The following FRYL variants were observed in gnomAD, a reference collection of about 807,000 sequenced individuals.
FRYL encodes protein furry homolog-like.
Under a neutral mutation model 351.2 loss-of-function variants are expected in FRYL, and 150 were observed. The ratio of observed to expected loss-of-function variants is 0.43; its 90% CI spans 0.37 to 0.49. The LOEUF (loss-of-function observed/expected upper bound fraction) is 0.49, where lower values mean the gene tolerates loss of function less well. Among genes scored for constraint, FRYL ranks in the 20% least tolerant of loss-of-function variants. The pLI, the probability that FRYL is intolerant of heterozygous loss-of-function variation, is 0.00. For missense variants in FRYL, 3,036 were observed against 3,619.3 expected, an observed-to-expected ratio of 0.84 and a Z score of 4.13; for synonymous variants, 1,153 against 1,257.1, an observed-to-expected ratio of 0.92 and a Z score of 1.75.
chr4:48,600,337 G>C (rs1745456778), intron 13 of FRYL, among the ~76,000 whole-genome samples: 1 of 152,040 alleles, frequency 6.6e-6, no homozygotes, highest in Admixed American at 6.6e-5. Flanking sequence ...TAATAAATAG[G>C]AGCCAATTCA....
intron 4 of FRYL, among the ~76,000 whole-genome samples, chr4:48,625,309 G>T (rs1751557044): frequency 6.6e-6 from 1 of 152,094 alleles, no homozygotes; most frequent in African/African-American, 2.4e-5. Flanking sequence ...TTGCAAAGAG[G>T]TGTATAGAAG....
chr4:48,620,647 C>T lies in FRYL; in HGVS notation c.306G>A (p.Lys102=). 6.2e-7 allele frequency: 1 copy of T among 1,612,732 alleles called. No individual in the cohort carries two copies. Among genetic ancestry groups the T allele is most frequent in the Non-Finnish European group, 8.5e-7 (1 of 1,179,006 alleles). ...SYEYRPRSST[K]SKGDEQQRER... is the part of the protein sequence containing the mutation. ...TAAAATAAAGCACTTACCCCTTAGA[C>T]TTTGTGCTAGACCGAGGCCTATATT... The change falls in exon 6 of 64, where the codon AAG becomes AAA. Residue 102 remains lysine, a synonymous_variant. Coordinates refer to ENST00000358350, the MANE Select transcript of FRYL (RefSeq NM_015030.2).
At position 48,634,311 on chromosome 4, in the gene FRYL, C is replaced by G. The variant is rs745883787; in HGVS notation, c.100G>C (p.Val34Leu). 6.2e-7 allele frequency: 1 copy of G among 1,613,452 alleles called. No homozygotes were observed. Among genetic ancestry groups the G allele is most frequent in the Admixed American group, 1.7e-5 (1 of 59,970 alleles). The part of the protein sequence containing the change: ...FAVQAEKKIE[V>L]VMAEPLEKLL... The stretch of plus-strand genomic sequence containing the variant: ...CTCACCAAGGGTTCGGCCATTACAA[C>G]TTCAATTTTCTTTTCAGCTTGAACA... Residue 34 changes from valine to leucine, a missense_variant, in exon 4 of 64, where the codon GTT (valine) becomes CTT (leucine). Coordinates refer to ENST00000358350, the MANE Select transcript of FRYL (RefSeq NM_015030.2).
chr4:48,534,225 C>CAAAACA (rs1187853773), intron 49 of FRYL, among the ~76,000 whole-genome samples: 4 of 152,118 alleles, frequency 2.6e-5, no homozygotes, highest in African/African-American at 4.8e-5. Context: ...GACTCCTTCT[C>CAAAACA]AAAACAAAAA....
chr4:48,644,984 A>G lies in FRYL; in HGVS notation c.-80-10494T>C, dbSNP rs560626145. ...CTTACAAAATAATAAGAAAAAGACAACACAATAAAGAAAAGGTGCCAAAAG... is the reference window on the plus strand; with the variant it reads ...CTTACAAAATAATAAGAAAAAGACAGCACAATAAAGAAAAGGTGCCAAAAG... On this transcript the variant is annotated intron_variant, in intron 3 of 63. Coordinates refer to ENST00000358350, the MANE Select transcript of FRYL (RefSeq NM_015030.2). Among the ~76,000 whole-genome samples the G allele has an allele frequency of 2.6e-5, 4 of 151,458 alleles. No individual in the cohort carries two copies. The East Asian group carries it at 5.8e-4, about 22-fold the overall frequency.
intron 11 of FRYL, among the ~76,000 whole-genome samples, chr4:48,603,882 A>G (rs1746178975): frequency 6.6e-6 from 1 of 152,180 alleles, no homozygotes; most frequent in African/African-American, 2.4e-5. Context: ...CTGCTGCCCA[A>G]GAAGCTCTTC....
chr4:48,587,113 G>A lies in FRYL; in HGVS notation c.1641-385C>T, dbSNP rs1293872452. On this transcript the variant is annotated intron_variant, in intron 18 of 63. Transcript: ENST00000358350. ...TGATATCATTAAATAACTAAATACT[G>A]GTTATTTTGAGGGGCCTATAAAATT... Among the ~76,000 whole-genome samples, 4 of 151,776 alleles carry A rather than the reference G, an allele frequency of 2.6e-5. No homozygotes were observed. The East Asian group carries it at 7.7e-4, about 29-fold the overall frequency.
At chr4:48,552,329 T>C (rs1733046029) in intron 36 of FRYL, among the ~76,000 whole-genome samples, 1 of 151,912 alleles carries the variant, frequency 6.6e-6, no homozygotes, top group African/African-American at 2.4e-5. Context: ...GAGTTTTCTC[T>C]AGGGAATCTG....
intron 36 of FRYL, 118 bp from the exon 37 acceptor site, chr4:48,551,696 A>T (rs142394887): frequency 6.2e-6 from 4 of 641,302 alleles, no homozygotes; most frequent in African/African-American, 5.5e-5. Context: ...AAAGTCATTT[A>T]AAAAAAGGAA....
intron 3 of FRYL, among the ~76,000 whole-genome samples, chr4:48,651,868 T>C (rs1447542257): frequency 3.3e-5 from 5 of 152,226 alleles, no homozygotes; most frequent in African/African-American, 7.2e-5. Context: ...GTTCTTCCAC[T>C]TTCCAGGGCT....
At chr4:48,614,017 T>C (rs1031365673) in intron 7 of FRYL, among the ~76,000 whole-genome samples, 2 of 150,168 alleles carry the variant, frequency 1.3e-5, no homozygotes, top group Admixed American at 6.6e-5. Flanking sequence ...TTTGGTCTTA[T>C]CATATTACTG....
At chr4:48,677,844 A>T (rs1763972535) in intron 3 of FRYL, among the ~76,000 whole-genome samples, 1 of 152,226 alleles carries the variant, frequency 6.6e-6, no homozygotes, top group South Asian at 2.1e-4. Context: ...TTTTTACATG[A>T]AGTCTCTCCA....
chr4:48,610,564 T>A (rs1414398135), intron 7 of FRYL, among the ~76,000 whole-genome samples: 1 of 150,076 alleles, frequency 6.7e-6, no homozygotes, highest in Non-Finnish European at 1.5e-5. Flanking sequence ...AATATGTATA[T>A]ATCACAATTT....
At chr4:48,501,472 CA>C (rs1274171318) in intron 62 of FRYL, 150 bp downstream of exon 62, 5 of 615,360 alleles carry the variant, frequency 8.1e-6, no homozygotes, top group Non-Finnish European at 1.4e-5. Flanking sequence ...CCTGACATAG[CA>C]CATCATTAAA....
At chr4:48,768,538 C>T (rs1775190723) in intron 1 of FRYL, among the ~76,000 whole-genome samples, 1 of 152,168 alleles carries the variant, frequency 6.6e-6, no homozygotes, top group Admixed American at 6.5e-5. Context: ...GCTGCAGTAG[C>T]TCACGCCTGT....
chr4:48,732,930 TAAA>T, intron 1 of FRYL, among the ~76,000 whole-genome samples: 1 of 142,630 alleles, frequency 7.0e-6, no homozygotes, highest in African/African-American at 2.6e-5. Flanking sequence ...ATAACAATAT[TAAA>T]AAAAAAAAAA....
rs778375357 is a variant in FRYL, at chr4:48,576,175, G to A, written c.2576C>T (p.Ser859Leu). The change falls in exon 24 of 64, where the codon TCA becomes TTA. Residue 859 changes from serine (S) to leucine (L), a missense_variant. Physicochemically the swap from Ser to Leu is moderately radical, Grantham distance 145 (BLOSUM62 -2). Coordinates refer to ENST00000358350, the MANE Select transcript of FRYL (RefSeq NM_015030.2). ...KKVNTTTSSD[S>L]YIGLWRNYLI... ...ATAGTTTCTCCACAGGCCAATGTATGAGTCACTGCTTGTGGTGGTATTTAC... is the reference window on the plus strand; with the variant it reads ...ATAGTTTCTCCACAGGCCAATGTATAAGTCACTGCTTGTGGTGGTATTTAC... The A allele has an allele frequency of 1.9e-6, 3 of 1,613,152 alleles. No individual in the cohort carries two copies. Among genetic ancestry groups the A allele is most frequent in the African/African-American group, 1.3e-5 (1 of 74,946 alleles).
chr4:48,512,662 A>G lies in FRYL; in HGVS notation c.7964T>C (p.Phe2655Ser). 1 of 1,613,864 alleles carries G rather than the reference A, an allele frequency of 6.2e-7. No individual in the cohort carries two copies. Among genetic ancestry groups the G allele is most frequent in the Non-Finnish European group, 8.5e-7 (1 of 1,179,742 alleles). Reference protein sequence around the residue: ...SSQDEEEQDGFPEVQTSPLPS... With the variant: ...SSQDEEEQDGSPEVQTSPLPS... ...CAGAGGCGACGTCTGTACTTCTGGA[A>G]AACCATCTTGCTCTTCTTCATCTTG... The change falls in exon 57 of 64, where the codon TTT becomes TCT. Residue 2655 changes from phenylalanine to serine, a missense_variant. Physicochemically the swap from Phe to Ser is radical, Grantham distance 155. This residue lies in a region of FRYL where 1,987 missense variants were observed against 2,311.7 expected (regional missense o/e 0.86). Transcript: ENST00000358350.
chr4:48,651,289 C>CTG (rs59845967), intron 3 of FRYL, among the ~76,000 whole-genome samples: 2,119 of 62,368 alleles, frequency 0.034, 190 homozygotes, highest in South Asian at 0.044. Context: ...CAGGATCTCA[C>CTG]TGTGTGTGTG....
Sources: gnomAD v4.1 joint callset for allele counts (sites outside exome capture counted in the v4.1 genomes callset) on GRCh38, gnomAD v4.1.1 for gene constraint, gnomAD v4.1.1 regional missense constraint, MANE v1.5 for transcripts, NCBI Gene and HGNC (gene_info 2026-07-23, HGNC 2026-07-21) for gene names.